The following FREM1 variants were observed in gnomAD, a reference collection of about 807,000 sequenced individuals.
FREM1 encodes the protein FRAS1 related extracellular matrix 1.
In FREM1, 220 loss-of-function variants were observed where a neutral mutation model predicts 210.1. That is an observed-to-expected ratio of 1.05 (90% CI 0.94 to 1.17). The LOEUF (loss-of-function observed/expected upper bound fraction) is 1.17. Among genes scored for constraint, FREM1 ranks in the 50% most tolerant of loss-of-function variants. FREM1 has a pLI of 0.00. For missense variants in FREM1, 3,454 were observed against 2,675.5 expected (o/e 1.29, Z -6.42); for synonymous variants, 1,189 against 980.2 (o/e 1.21, Z -3.98).
At chr9:14,899,539 A>C (rs1299729913) in intron 1 of FREM1, among the ~76,000 whole-genome samples, 1 of 152,234 alleles carries the variant, frequency 6.6e-6, no homozygotes, top group Non-Finnish European at 1.5e-5. Context: ...TTGTTGAAAA[A>C]ATATGTGCAG....
At chr9:14,856,044 C>T (rs1005929986) in intron 5 of FREM1, among the ~76,000 whole-genome samples, 1 of 151,938 alleles carries the variant, frequency 6.6e-6, no homozygotes, top group East Asian at 1.9e-4. Flanking sequence ...TGAGCTAAAC[C>T]CAGCCTGGTT....
rs1588124665 is a variant in FREM1 at position 14,811,475 on chromosome 9, A to T, written c.2893+1337T>A. Among the ~76,000 whole-genome samples, 3 of 152,190 alleles carry T rather than the reference A, an allele frequency of 2.0e-5. No homozygotes were observed. The East Asian group carries it at 5.8e-4, about 29-fold the overall frequency. ...TTTTCTGCCAGTCTATTTCAGATCCACTGGGGAAATCAAAAATGAGTACCT... is the reference window on the plus strand; with the variant it reads ...TTTTCTGCCAGTCTATTTCAGATCCTCTGGGGAAATCAAAAATGAGTACCT... On this transcript the variant is annotated intron_variant, in intron 16 of 36. Coordinates refer to ENST00000380880, the MANE Select transcript of FREM1 (RefSeq NM_001379081.2).
chr9:14,753,196 A>G (rs1327525139), intron 29 of FREM1, among the ~76,000 whole-genome samples: 1 of 152,232 alleles, frequency 6.6e-6, no homozygotes, highest in Non-Finnish European at 1.5e-5. Context: ...TGAAGAGAAA[A>G]CAGAGGTGTC....
rs186393354 is a variant in FREM1, at chr9:14,895,030, G to A, written c.-268+14884C>T. Among the ~76,000 whole-genome samples the A allele has an allele frequency of 2.0e-5, 3 of 152,304 alleles. No individual in the cohort carries two copies. The East Asian group carries it at 5.8e-4, about 29-fold the overall frequency. ...GGTTCCTGACCTGGTGGTAAACAAAGAATGTCACTTTCTGACAGGCCCAGG... is the reference window on the plus strand; with the variant it reads ...GGTTCCTGACCTGGTGGTAAACAAAAAATGTCACTTTCTGACAGGCCCAGG... On this transcript the variant is annotated intron_variant, in intron 1 of 36. Transcript: ENST00000380880.
intron 1 of FREM1, among the ~76,000 whole-genome samples, chr9:14,871,130 T>C (rs1832596119): frequency 6.6e-6 from 1 of 152,214 alleles, no homozygotes; most frequent in African/African-American, 2.4e-5. Flanking sequence ...TGCATGTGTC[T>C]TTATAGCAGC....
intron 24 of FREM1, among the ~76,000 whole-genome samples, chr9:14,782,023 G>C (rs1438818238): frequency 1.3e-5 from 2 of 152,184 alleles, no homozygotes; most frequent in African/African-American, 4.8e-5. Flanking sequence ...ATAAATTCTT[G>C]AGGCTCCTCA....
intron 27 of FREM1, among the ~76,000 whole-genome samples, chr9:14,767,830 ACTT>A (rs548894170): frequency 1.3e-5 from 2 of 152,142 alleles, no homozygotes; most frequent in East Asian, 1.9e-4. Context: ...ACCAAATAAA[ACTT>A]CTCTCTATAT....
intron 1 of FREM1, among the ~76,000 whole-genome samples, chr9:14,881,308 C>T (rs1238880445): frequency 6.6e-6 from 1 of 152,188 alleles, no homozygotes; most frequent in Admixed American, 6.5e-5. Flanking sequence ...ACCAGCCACA[C>T]CCCTTACCTT....
At chr9:14,797,438 T>C in intron 21 of FREM1, 60 bp downstream of exon 21, 2 of 1,404,930 alleles carry the variant, frequency 1.4e-6, no homozygotes, top group Non-Finnish European at 2.0e-6. Flanking sequence ...CTGTACCTAG[T>C]ATTGTAGATT....
chr9:14,739,505 G>T (rs892205625), intron 36 of FREM1, among the ~76,000 whole-genome samples: 19 of 135,540 alleles, frequency 1.4e-4, no homozygotes, highest in African/African-American at 4.6e-4. Flanking sequence ...ATATATATAT[G>T]AATATATGTA....
chr9:14,838,045 G>C (rs1385273903), intron 10 of FREM1, among the ~76,000 whole-genome samples: 1 of 152,218 alleles, frequency 6.6e-6, no homozygotes, highest in African/African-American at 2.4e-5. Flanking sequence ...GCCCCAGGGA[G>C]CACAGCTTGT....
At chr9:14,885,010 C>T (rs1343178461) in intron 1 of FREM1, among the ~76,000 whole-genome samples, 4 of 133,646 alleles carry the variant, frequency 3.0e-5, no homozygotes, top group Admixed American at 8.0e-5. Flanking sequence ...CTGCAAGCTC[C>T]GCCTCCCGGG....
At chr9:14,746,844 A>C (rs1407962616) in intron 34 of FREM1, 79 bp downstream of exon 34, 1 of 1,482,470 alleles carries the variant, frequency 6.7e-7, no homozygotes, top group African/African-American at 1.4e-5. Context: ...TGAGTCATGC[A>C]CCAGATGGTT....
At chr9:14,762,094 G>C (rs950242039) in intron 27 of FREM1, among the ~76,000 whole-genome samples, 1 of 152,098 alleles carries the variant, frequency 6.6e-6, no homozygotes, top group African/African-American at 2.4e-5. Flanking sequence ...GGATTAGTGT[G>C]TGCCTAAAGA....
At chr9:14,860,631 A>G (rs1471198375) in intron 3 of FREM1, among the ~76,000 whole-genome samples, 5 of 145,014 alleles carry the variant, frequency 3.4e-5, no homozygotes, top group African/African-American at 5.1e-5. Flanking sequence ...ATATACACAT[A>G]TATACACATG....
chr9:14,784,483 T>A lies in FREM1; in HGVS notation c.4329A>T (p.Glu1443Asp). Residue 1443 changes from glutamate to aspartate, a missense_variant, in exon 24 of 37, where the codon GAA becomes GAT. Physicochemically the swap from Glu to Asp is conservative, Grantham distance 45 (BLOSUM62 2). Transcript: ENST00000380880. ...ITSPPRYGQI[E>D]YVHYPGVPIT... is the part of the protein sequence containing the mutation. The stretch of plus-strand genomic sequence containing the variant: ...TGGGAACTCCAGGATAGTGAACATA[T>A]TCGATCTGGCCATATCGCGGAGGGG... The A allele has an allele frequency of 1.9e-6, 3 of 1,613,894 alleles. No homozygotes were observed. The South Asian group carries it at 3.3e-5, about 18-fold the overall frequency.
chr9:14,880,888 A>T (rs1834677454), intron 1 of FREM1, among the ~76,000 whole-genome samples: 1 of 152,238 alleles, frequency 6.6e-6, no homozygotes, highest in Admixed American at 6.5e-5. Context: ...TAAATTGAAG[A>T]AAGTCACCAA....
In FREM1 at chr9:14,857,584, AG is replaced by A; in HGVS notation, c.796del (p.Leu266SerfsTer47). 6.2e-7 allele frequency: 1 copy of A among 1,613,820 alleles called. No homozygotes were observed. Among genetic ancestry groups the A allele is most frequent in the Non-Finnish European group, 8.5e-7 (1 of 1,179,866 alleles). On this transcript the variant is annotated frameshift_variant, in exon 5 of 37. Coordinates refer to ENST00000380880, the MANE Select transcript of FREM1 (RefSeq NM_001379081.2). LOFTEE classifies it high-confidence loss of function. Reference protein sequence around the residue: ...NIDYISIQLDLTDTRSKIVYK... With the variant: ...NIDYISIQLDXTDTRSKIVYK... Reference sequence around the variant, plus strand: ...CACAATTTTGCTCCTGGTATCTGTGAGGTCCAGTTGGATGGAGATATAATCA... The same window carrying A: ...CACAATTTTGCTCCTGGTATCTGTGAGTCCAGTTGGATGGAGATATAATCA...
intron 2 of FREM1, 47 bp from the exon 3 acceptor site, chr9:14,863,950 C>G: frequency 8.3e-7 from 1 of 1,203,696 alleles, no homozygotes; most frequent in Non-Finnish European, 1.2e-6. Context: ...AAAATTGGTA[C>G]AAGATTTAAC....
Sources: allele counts gnomAD v4.1 joint callset (sites outside exome capture counted in the v4.1 genomes callset), GRCh38; gene constraint gnomAD v4.1.1; transcripts MANE v1.5; gene names NCBI Gene and HGNC (gene_info 2026-07-23, HGNC 2026-07-21).